QRICH2: variants seen among roughly 807,000 people sequenced by gnomAD.
QRICH2 encodes the protein glutamine rich 2.
QRICH2 carries 119 observed loss-of-function variants against 168.3 expected under a neutral mutation model. The ratio of observed to expected loss-of-function variants is 0.71; its 90% CI spans 0.61 to 0.82. QRICH2 has a LOEUF of 0.82. QRICH2 is among the 40% of genes least tolerant of loss of function. The pLI is 0.00. For missense variants in QRICH2, 2,241 were observed against 2,491.6 expected (o/e 0.90, Z 2.14); for synonymous variants, 894 against 951.2 (o/e 0.94, Z 1.11).
intron 3 of QRICH2, among the ~76,000 whole-genome samples, chr17:76,295,804 G>C (rs1199172784): frequency 6.6e-6 from 1 of 152,166 alleles, no homozygotes; most frequent in Non-Finnish European, 1.5e-5. Context: ...ATAAGGGACT[G>C]AGATATTTCT....
intron 18 of QRICH2, among the ~76,000 whole-genome samples, chr17:76,274,945 G>GT (rs1484568652): frequency 1.1e-4 from 16 of 152,306 alleles, no homozygotes; most frequent in African/African-American, 3.1e-4. Context: ...TACCTGGTCT[G>GT]TGGGGGGCCC....
intron 16 of QRICH2, 29 bp from the exon 17 acceptor site, chr17:76,276,796 CTG>C: frequency 6.4e-7 from 1 of 1,552,984 alleles, no homozygotes; most frequent in Non-Finnish European, 8.8e-7. Flanking sequence ...ACCGTCGCCA[CTG>C]TAGCAGCCAC....
rs367861080 is a variant in QRICH2 at position 76,291,448 on chromosome 17, T to C, written c.3279A>G (p.Ala1093=). Reference sequence around the variant, plus strand: ...GAGAGAAAGCATGGCCATGCTGAGCTGCATCTGGGTATACCTGGTCATGCT... The same window carrying C: ...GAGAGAAAGCATGGCCATGCTGAGCCGCATCTGGGTATACCTGGTCATGCT... ...PGEHDQVYPD[A]AQHGHAFSLF... is the part of the protein sequence containing the mutation. Residue 1093 remains alanine (A), a synonymous_variant, in exon 4 of 19, where the codon GCA becomes GCG. Coordinates refer to ENST00000680821, the MANE Select transcript of QRICH2 (RefSeq NM_001388453.1). 24 of 1,614,134 alleles carry C rather than the reference T, an allele frequency of 1.5e-5. No individual in the cohort carries two copies. The highest frequency in any genetic ancestry group is 1.9e-5 in the Non-Finnish European group (23 of 1,180,030).
At position 76,293,709 on chromosome 17, in the gene QRICH2, C is replaced by T; in HGVS notation, c.1018G>A (p.Asp340Asn). ...AGCTTCTCTCTACTCCTGTGACGATCTGAGTCTGATTTGAATTGGAATGTA... is the reference window on the plus strand; with the variant it reads ...AGCTTCTCTCTACTCCTGTGACGATTTGAGTCTGATTTGAATTGGAATGTA... ...SSTFQFKSDS[D>N]RHRSREKLTS... Residue 340 changes from aspartate (D) to asparagine (N), a missense_variant, in exon 4 of 19, where the codon GAT becomes AAT. By Grantham distance (23) the Asp-to-Asn change is conservative (BLOSUM62 1). Around this residue, in one of 3 missense-constraint regions of QRICH2, gnomAD observed 2,047 missense variants for 2,303.8 expected, o/e 0.89. Coordinates refer to ENST00000680821, the MANE Select transcript of QRICH2 (RefSeq NM_001388453.1). 1 of 1,614,172 alleles carries T rather than the reference C, an allele frequency of 6.2e-7. No homozygotes were observed. The highest frequency in any genetic ancestry group is 8.5e-7 in the Non-Finnish European group (1 of 1,180,036).
At position 76,287,870 on chromosome 17, in the gene QRICH2, C is replaced by T. The variant is rs1485495559; in HGVS notation, c.3826G>A (p.Gly1276Arg). Residue 1276 changes from glycine to arginine, a missense_variant, in exon 6 of 19, where the codon GGG (glycine) becomes AGG (arginine). Coordinates refer to ENST00000680821, the MANE Select transcript of QRICH2 (RefSeq NM_001388453.1). ...KVERLQRILE[G>R]EGNQEAGKEL... ...TTCCCTGCTTCTTGATTCCCTTCCC[C>T]TTCCAGGATCCTCTGCAGCCTTTCC... The T allele has an allele frequency of 6.2e-7, 1 of 1,614,104 alleles. No individual in the cohort carries two copies. Among genetic ancestry groups the T allele is most frequent in the Non-Finnish European group, 8.5e-7 (1 of 1,179,978 alleles).
In QRICH2 at chr17:76,307,334, C is replaced by A; in HGVS notation, c.534+131G>T. 1.1e-6 allele frequency: 1 copy of A among 898,998 alleles called. No individual in the cohort carries two copies. The highest frequency in any genetic ancestry group is 1.7e-6 in the Non-Finnish European group (1 of 576,332). The allele number at this position is 898,998 out of a possible 1,614,324, so 55.7% of individuals were successfully genotyped here. A position where few individuals can be genotyped will look rare whatever the true frequency, so the allele number is the denominator to read the frequency against. On this transcript the variant is annotated intron_variant, in intron 1 of 18. Transcript: ENST00000680821. The surrounding 1 kb of genome is among the most constrained non-coding windows in gnomAD (Gnocchi z 5.3). ...TTTAGCCAGTCGCACTGAGGTCTGGCACCTCCTCGGTCCCCATCCCCTCCG... is the reference window on the plus strand; with the variant it reads ...TTTAGCCAGTCGCACTGAGGTCTGGAACCTCCTCGGTCCCCATCCCCTCCG...
intron 1 of QRICH2, among the ~76,000 whole-genome samples, chr17:76,305,165 CTT>C (rs371179936): frequency 5.7e-4 from 74 of 129,898 alleles, no homozygotes; most frequent in South Asian, 1.4e-3. Flanking sequence ...TTTTGGTTTC[CTT>C]TTTTTTTTTT....
In QRICH2 at chr17:76,293,875, A is replaced by G. The variant is rs1324102984; in HGVS notation, c.852T>C (p.Thr284=). Residue 284 remains threonine, a synonymous_variant, in exon 4 of 19, where the codon ACT becomes ACC. Transcript: ENST00000680821. ...GTGCTGTGCCACCAGATCCTGATGC[A>G]GTCCGATCCGGGCCAAGACCACTGG... ...DSASGLGPDR[T]ASGSGGTAHP... The G allele has an allele frequency of 6.2e-7, 1 of 1,614,140 alleles. No individual in the cohort carries two copies.
At position 76,278,037 on chromosome 17, in the gene QRICH2, A is replaced by C. The variant is rs1409519238; in HGVS notation, c.5069T>G (p.Ile1690Ser). The C allele has an allele frequency of 6.2e-7, 1 of 1,613,648 alleles. No individual in the cohort carries two copies. The highest frequency in any genetic ancestry group is 8.5e-7 in the Non-Finnish European group (1 of 1,180,038). Reference protein sequence around the residue: ...GGSTKASSQIIRELLHAQCLG... With the variant: ...GGSTKASSQISRELLHAQCLG... ...GCACTGGGCGTGCAGCAGCTCGCGG[A>C]TTATCTGGCTGCTGGCCTTGGTGGA... Residue 1690 changes from isoleucine to serine, a missense_variant, in exon 15 of 19, where the codon ATC (isoleucine) becomes AGC (serine). Coordinates refer to ENST00000680821, the MANE Select transcript of QRICH2 (RefSeq NM_001388453.1).
chr17:76,279,548 C>T (rs2070749024), intron 12 of QRICH2, 120 bp from the exon 13 acceptor site: 1 of 733,450 alleles, frequency 1.4e-6, no homozygotes, highest in Non-Finnish European at 2.3e-6. Flanking sequence ...GTCCCTGCTC[C>T]CCAGGAATCC....
intron 3 of QRICH2, among the ~76,000 whole-genome samples, chr17:76,300,983 G>A (rs113720434): frequency 0.013 from 1,993 of 152,240 alleles, 51 homozygotes; most frequent in African/African-American, 0.046. Flanking sequence ...GAGCTCGGGA[G>A]GTGGAGGTTG....
In QRICH2 at chr17:76,277,242, G is replaced by T; in HGVS notation, c.5186C>A (p.Thr1729Asn). ...CGGGCGGCTGCGGTGGTAGGGGTAG[G>T]TGAGGGTGTGGCTGCCCCCGCAGCG... Reference protein sequence around the residue: ...PRRCGGSHTLTYPYHRSRPQH... With the variant: ...PRRCGGSHTLNYPYHRSRPQH... Residue 1729 changes from threonine to asparagine, a missense_variant, in exon 16 of 19, where the codon ACC (threonine) becomes AAC (asparagine). By Grantham distance (65) the Thr-to-Asn change is moderately conservative (BLOSUM62 0). Around this residue, in one of 3 missense-constraint regions of QRICH2, gnomAD observed 2,047 missense variants for 2,303.8 expected, o/e 0.89. Coordinates refer to ENST00000680821, the MANE Select transcript of QRICH2 (RefSeq NM_001388453.1). The T allele has an allele frequency of 6.2e-7, 1 of 1,604,562 alleles. No individual in the cohort carries two copies. Among genetic ancestry groups the T allele is most frequent in the Non-Finnish European group, 8.5e-7 (1 of 1,177,354 alleles).
At chr17:76,306,181 A>C (rs1209870841) in intron 1 of QRICH2, among the ~76,000 whole-genome samples, 1 of 151,280 alleles carries the variant, frequency 6.6e-6, no homozygotes, top group African/African-American at 2.4e-5. Context: ...AAAAAAAAAA[A>C]AAAAAAAAAA....
At chr17:76,297,271 C>T (rs2070812103) in intron 3 of QRICH2, among the ~76,000 whole-genome samples, 1 of 152,118 alleles carries the variant, frequency 6.6e-6, no homozygotes, top group Admixed American at 6.5e-5. Flanking sequence ...CTTTGGGAGG[C>T]CAACGCGGGA....
At chr17:76,299,145 C>T (rs1038541626) in intron 3 of QRICH2, among the ~76,000 whole-genome samples, 3 of 152,122 alleles carry the variant, frequency 2.0e-5, no homozygotes, top group Non-Finnish European at 4.4e-5. Flanking sequence ...CTACCTTCAC[C>T]TGAATAAAAT....
chr17:76,302,695 C>T (rs1345937719), intron 3 of QRICH2, among the ~76,000 whole-genome samples: 1 of 152,184 alleles, frequency 6.6e-6, no homozygotes, highest in Non-Finnish European at 1.5e-5. Flanking sequence ...AACACCTTGA[C>T]TTCTGCCCAG....
At position 76,283,157 on chromosome 17, in the gene QRICH2, G is replaced by A. The variant is rs567882730; in HGVS notation, c.4012-1042C>T. The stretch of plus-strand genomic sequence containing the variant: ...ACTTACAACCAGAAGAGCCTGCCCG[G>A]AGGCAGGTACCTCCGAGGGCCCCGG... On this transcript the variant is annotated intron_variant, in intron 7 of 18. Transcript: ENST00000680821. Among the ~76,000 whole-genome samples, 301 of 152,238 alleles carry A rather than the reference G, an allele frequency of 2.0e-3. 1 individual carries two copies. The highest frequency in any genetic ancestry group is 7.0e-3 in the African/African-American group (291 of 41,496).
Position 76,292,721 on chromosome 17 carries a change from C to A in QRICH2, c.2006G>T (p.Gly669Val). 6.2e-7 allele frequency: 1 copy of A among 1,604,948 alleles called. No homozygotes were observed. The highest frequency in any genetic ancestry group is 8.5e-7 in the Non-Finnish European group (1 of 1,177,264). Residue 669 changes from glycine (G) to valine (V), a missense_variant, in exon 4 of 19, where the codon GGC becomes GTC. Gly to Val is a moderately radical substitution (Grantham distance 109, BLOSUM62 -3). Coordinates refer to ENST00000680821, the MANE Select transcript of QRICH2 (RefSeq NM_001388453.1). ...CTGAAATCTGCCAGGTTGGACCATG[C>A]CAGGCTGATCTACACCAGGCTGTAC... ...VLVQPGVDQP[G>V]MVQPGRFQRA... is the part of the protein sequence containing the mutation.
rs897283585 is a variant in QRICH2, at chr17:76,282,207, C to T, written c.4012-92G>A. On this transcript the variant is annotated intron_variant, in intron 7 of 18. Coordinates refer to ENST00000680821, the MANE Select transcript of QRICH2 (RefSeq NM_001388453.1). ...GGCACTGCCCCTAGCCTGTGTGCCT[C>T]TCCCCTGTCGTGCCCTGGGCAGTTG... The T allele has an allele frequency of 2.1e-5, 31 of 1,461,466 alleles. 1 individual carries two copies. In the South Asian group the frequency reaches 4.1e-4, roughly 19 times the overall value. 90.5% of individuals were successfully genotyped at this position (1,461,466 alleles called of 1,614,324 possible).
Sources: allele counts gnomAD v4.1 joint callset (sites outside exome capture counted in the v4.1 genomes callset), GRCh38; gene constraint gnomAD v4.1.1; regional missense constraint gnomAD v4.1.1; non-coding constraint Gnocchi (gnomAD v3.1); transcripts MANE v1.5; gene names NCBI Gene and HGNC (gene_info 2026-07-23, HGNC 2026-07-21).